Variants in MAML1 observed in about 807,000 individuals in gnomAD.
The protein encoded by MAML1 is mastermind like transcriptional coactivator 1, also known as mastermind-like protein 1.
In MAML1, 14 loss-of-function variants were observed where a neutral mutation model predicts 77.1. The observed-to-expected ratio is 0.18, with a 90% confidence interval of 0.12 to 0.28. The LOEUF (loss-of-function observed/expected upper bound fraction) is 0.28. MAML1 is among the 10% of genes least tolerant of loss of function. The pLI is 1.00. For synonymous variants in MAML1, 516 were observed against 551.9 expected (o/e 0.93, Z 0.91); for missense variants, 1,217 against 1,327.8 (o/e 0.92, Z 1.30).
intron 1 of MAML1, among the ~76,000 whole-genome samples, chr5:179,753,347 G>A (rs2113356744): frequency 6.6e-6 from 1 of 152,220 alleles, no homozygotes; most frequent in Admixed American, 6.5e-5. Flanking sequence ...CATCTTTAAT[G>A]CGTTTTTACT....
In MAML1 at chr5:179,774,466, A is replaced by T. The variant is rs142835504; in HGVS notation, c.2640A>T (p.Gln880His). ...QQAHLKMSSP[Q>H]FSQAVPNRPM... ...CCCACCTGAAAATGTCTAGCCCGCA[A>T]TTCTCCCAGGCAGTGCCCAACAGGC... The change falls in exon 5 of 5, where the codon CAA becomes CAT. Residue 880 changes from glutamine (Q) to histidine (H), a missense_variant. By Grantham distance (24) the Gln-to-His change is conservative. Around this residue, in one of 3 missense-constraint regions of MAML1, gnomAD observed 884 missense variants for 949.3 expected, o/e 0.93. Transcript: ENST00000292599. 1.9e-6 allele frequency: 3 copies of T among 1,613,268 alleles called. No individual in the cohort carries two copies. The highest frequency in any genetic ancestry group is 2.2e-5 in the East Asian group (1 of 44,876).
intron 1 of MAML1, among the ~76,000 whole-genome samples, chr5:179,749,478 C>G (rs764196071): frequency 2.0e-5 from 3 of 152,128 alleles, no homozygotes; most frequent in Non-Finnish European, 2.9e-5. Context: ...CCAGGCTGGT[C>G]TTGAACTCCT....
rs1562560598 is a variant in MAML1 at position 179,753,667 on chromosome 5, T to TG, written c.316-11659_316-11658insG. ...ATTATTATTATTATTTTTTTTTTTT[T>TG]TTTTTTTTTTGAGGCAGAGTTTCGC... On this transcript the variant is annotated intron_variant, in intron 1 of 4. Coordinates refer to ENST00000292599, the MANE Select transcript of MAML1 (RefSeq NM_014757.5). Among the ~76,000 whole-genome samples the TG allele has an allele frequency of 2.8e-5, 4 of 141,822 alleles. No homozygotes were observed. In the East Asian group the frequency reaches 6.1e-4, roughly 22 times the overall value. The allele number at this position is 141,822 out of a possible 152,430, so 93.0% of individuals were successfully genotyped here.
chr5:179,774,295 A>G lies in MAML1; in HGVS notation c.2469A>G (p.Pro823=), dbSNP rs773149865. Residue 823 remains proline (P), a synonymous_variant, in exon 5 of 5, where the codon CCA becomes CCG. Coordinates refer to ENST00000292599, the MANE Select transcript of MAML1 (RefSeq NM_014757.5). ...KGTLNPGLTK[P]PVPRVSPAMG... is the part of the protein sequence containing the mutation. ...CCCTGAACCCTGGTTTAACAAAGCC[A>G]CCGGTCCCAAGGGTGTCACCAGCCA... is the stretch of plus-strand genomic sequence containing the variant. 3.1e-6 allele frequency: 5 copies of G among 1,613,358 alleles called. No individual in the cohort carries two copies. The highest frequency in any genetic ancestry group is 4.2e-6 in the Non-Finnish European group (5 of 1,179,982).
At chr5:179,763,024 G>C (rs1213493302) in intron 1 of MAML1, among the ~76,000 whole-genome samples, 2 of 152,228 alleles carry the variant, frequency 1.3e-5, no homozygotes, top group Non-Finnish European at 2.9e-5. Flanking sequence ...GAAAGATTCT[G>C]TTTCTAATCT....
Position 179,769,082 on chromosome 5 carries a change from C to T in MAML1, c.1964C>T (p.Ala655Val), listed in dbSNP as rs888253958. The T allele has an allele frequency of 1.9e-6, 3 of 1,614,118 alleles. No individual in the cohort carries two copies. Among genetic ancestry groups the T allele is most frequent in the Non-Finnish European group, 1.7e-6 (2 of 1,179,990 alleles). The change falls in exon 3 of 5, where the codon GCG (alanine) becomes GTG (valine). Residue 655 changes from alanine to valine, a missense_variant. Ala to Val is a moderately conservative substitution (Grantham distance 64, BLOSUM62 0). Around this residue, in one of 3 missense-constraint regions of MAML1, gnomAD observed 884 missense variants for 949.3 expected, o/e 0.93. Transcript: ENST00000292599. The surrounding 1 kb of genome is among the most constrained non-coding windows in gnomAD (Gnocchi z 4.2). ...QFLQRQQHLLAEQEKQQFQRH... is the reference protein window; with the variant it reads ...QFLQRQQHLLVEQEKQQFQRH... Reference sequence around the variant, plus strand: ...CTTCAGAGGCAACAGCACCTTCTCGCGGAACAGGTAAAAAGAAAAGTGGAA... The same window carrying T: ...CTTCAGAGGCAACAGCACCTTCTCGTGGAACAGGTAAAAAGAAAAGTGGAA...
At chr5:179,750,804 A>G (rs1262663208) in intron 1 of MAML1, among the ~76,000 whole-genome samples, 1 of 152,068 alleles carries the variant, frequency 6.6e-6, no homozygotes, top group African/African-American at 2.4e-5. Flanking sequence ...AGAGTTTGCT[A>G]GAAAGAGAAA....
intron 4 of MAML1, among the ~76,000 whole-genome samples, chr5:179,772,577 C>G (rs1756026692): frequency 6.6e-6 from 1 of 152,184 alleles, no homozygotes; most frequent in African/African-American, 2.4e-5. Flanking sequence ...CAGCAGTTCC[C>G]TGAGCATAGG....
chr5:179,771,282 C>A lies in MAML1; in HGVS notation c.2068+39C>A. 6.4e-7 allele frequency: 1 copy of A among 1,550,988 alleles called. No homozygotes were observed. The highest frequency in any genetic ancestry group is 8.9e-7 in the Non-Finnish European group (1 of 1,122,690). On this transcript the variant is annotated intron_variant, in intron 4 of 4. Transcript: ENST00000292599. The surrounding 1 kb of genome is among the most constrained non-coding windows in gnomAD (Gnocchi z 4.7). Reference sequence around the variant, plus strand: ...GTGTGACGAGCAGGGACAGGGGAGGCCGCTGCCTGGTGCTGGTTGAATCCC... The same window carrying A: ...GTGTGACGAGCAGGGACAGGGGAGGACGCTGCCTGGTGCTGGTTGAATCCC...
chr5:179,769,283 C>T lies in MAML1; in HGVS notation c.1971+194C>T, dbSNP rs1755918784. On this transcript the variant is annotated intron_variant, in intron 3 of 4. Transcript: ENST00000292599. This position sits in a 1 kb window ranked among gnomAD's most constrained non-coding sequence, Gnocchi z 4.2. ...CAGACAGGGGTAGTCTTGTCAGAAG[C>T]TGCTTCGTGTCACTTAGTGGAGAGT... 6.6e-6 allele frequency among the ~76,000 whole-genome samples: 1 copy of T among 152,154 alleles called. No homozygotes were observed. The highest frequency in any genetic ancestry group is 6.5e-5 in the Admixed American group (1 of 15,270).
In MAML1 at chr5:179,749,745, G is replaced by A. The variant is rs925546134; in HGVS notation, c.316-15581G>A. On this transcript the variant is annotated intron_variant, in intron 1 of 4. Coordinates refer to ENST00000292599, the MANE Select transcript of MAML1 (RefSeq NM_014757.5). ...TGGCGAGAAGTGATCCTAGGGTGGCGGCTCTGCACCAGACGTGGAGGGCAA... is the reference window on the plus strand; with the variant it reads ...TGGCGAGAAGTGATCCTAGGGTGGCAGCTCTGCACCAGACGTGGAGGGCAA... Among the ~76,000 whole-genome samples, 106 of 152,046 alleles carry A rather than the reference G, an allele frequency of 7.0e-4. 1 individual carries two copies. Among genetic ancestry groups the A allele is most frequent in the African/African-American group, 1.8e-3 (76 of 41,392 alleles).
Position 179,748,104 on chromosome 5 carries a change from A to G in MAML1, c.315+14677A>G, listed in dbSNP as rs539088015. Among the ~76,000 whole-genome samples, 16 of 152,172 alleles carry G rather than the reference A, an allele frequency of 1.1e-4. 1 individual carries two copies. The South Asian group carries it at 3.3e-3, about 32-fold the overall frequency. ...TACTTTATTTACTAATTTTTTTGAC[A>G]TGGAGCCTCACTCTGTCGCCCAGGC... On this transcript the variant is annotated intron_variant, in intron 1 of 4. Coordinates refer to ENST00000292599, the MANE Select transcript of MAML1 (RefSeq NM_014757.5).
chr5:179,770,534 TTGA>T (rs1234896245), intron 3 of MAML1, among the ~76,000 whole-genome samples: 18 of 152,378 alleles, frequency 1.2e-4, no homozygotes, highest in African/African-American at 4.1e-4. Flanking sequence ...TTGATTCCTC[TTGA>T]TAATAATATT....
intron 1 of MAML1, among the ~76,000 whole-genome samples, chr5:179,744,869 GTAA>G: frequency 6.6e-6 from 1 of 151,840 alleles, no homozygotes; most frequent in Non-Finnish European, 1.5e-5. Flanking sequence ...TTGAGTTATA[GTAA>G]TTTAGTACAA....
Position 179,745,478 on chromosome 5 carries a change from G to A in MAML1, c.315+12051G>A, listed in dbSNP as rs549566119. ...CGCCTGTAATCCCAGCACTTTGGGA[G>A]GCAGAGGCGGGCGGATCACCTGAGG... On this transcript the variant is annotated intron_variant, in intron 1 of 4. Transcript: ENST00000292599. 7.2e-5 allele frequency among the ~76,000 whole-genome samples: 11 copies of A among 151,964 alleles called. No individual in the cohort carries two copies. The South Asian group carries it at 2.3e-3, about 32-fold the overall frequency.
intron 1 of MAML1, among the ~76,000 whole-genome samples, chr5:179,756,749 T>C (rs1779630202): frequency 6.6e-6 from 1 of 152,164 alleles, no homozygotes; most frequent in Admixed American, 6.5e-5. Context: ...TTCTGTCATC[T>C]AGGATAAAAA....
intron 1 of MAML1, among the ~76,000 whole-genome samples, chr5:179,749,000 C>CT (rs1379574142): frequency 1.3e-5 from 2 of 151,078 alleles, no homozygotes; most frequent in South Asian, 2.1e-4. Flanking sequence ...GAGTCTCACT[C>CT]TGTCGCCCGG....
At chr5:179,752,652 G>A (rs1260086172) in intron 1 of MAML1, among the ~76,000 whole-genome samples, 3 of 139,630 alleles carry the variant, frequency 2.1e-5, no homozygotes, top group Non-Finnish European at 4.5e-5. Context: ...TGTCGCCCAG[G>A]CTGGAGTGCA....
At chr5:179,753,177 A>G (rs1030297678) in intron 1 of MAML1, among the ~76,000 whole-genome samples, 64 of 143,680 alleles carry the variant, frequency 4.5e-4, no homozygotes, top group African/African-American at 1.4e-3. Flanking sequence ...CCTAGATGCT[A>G]TTTTTTAGTG....
Sources: allele counts gnomAD v4.1 joint callset (sites outside exome capture counted in the v4.1 genomes callset), GRCh38; gene constraint gnomAD v4.1.1; regional missense constraint gnomAD v4.1.1; non-coding constraint Gnocchi (gnomAD v3.1); transcripts MANE v1.5; gene names NCBI Gene and HGNC (gene_info 2026-07-23, HGNC 2026-07-21).